NR1I3: variants seen among roughly 807,000 people sequenced by gnomAD.
NR1I3 encodes nuclear receptor subfamily 1 group I member 3, also known as constitutive activator of retinoid response.
A neutral mutation model predicts 38.4 loss-of-function variants in NR1I3; 30 were observed. The observed-to-expected ratio is 0.78, with a 90% CI of 0.58 to 1.06. The LOEUF is 1.06. Ranked by LOEUF, NR1I3 falls within the 50% of genes least tolerant of loss-of-function variation. NR1I3 has a pLI of 0.00. For synonymous variants in NR1I3, 143 were observed against 165.1 expected, an observed-to-expected ratio of 0.87 and a Z score of 1.03; for missense variants, 388 against 435.7, an observed-to-expected ratio of 0.89 and a Z score of 0.97.
chr1:161,237,126 A>G (rs543300752), intron 1 of NR1I3, among the ~76,000 whole-genome samples: 21 of 151,778 alleles, frequency 1.4e-4, no homozygotes, highest in Middle Eastern at 3.4e-3. Context: ...AGCTGGAACT[A>G]TAGGTACACA....
At chr1:161,233,473 T>G (rs1225522610) in intron 3 of NR1I3, 135 bp from the exon 4 acceptor site, 1 of 938,180 alleles carries the variant, frequency 1.1e-6, no homozygotes, top group East Asian at 2.6e-5. Context: ...CCTGAGACTT[T>G]CTTGGGCTTG....
In NR1I3 at chr1:161,232,715, G is replaced by T. The variant is rs1035174014; in HGVS notation, c.548+92C>A. 6 of 1,254,426 alleles carry T rather than the reference G, an allele frequency of 4.8e-6. No homozygotes were observed. In the South Asian group the frequency reaches 5.0e-5, roughly 10 times the overall value. 77.7% of individuals were successfully genotyped at this position (1,254,426 alleles called of 1,614,324 possible). ...AGACCTAATGCTTGGAAAGGCTGAC[G>T]CATGTGATAATTTGTAGTCAGTGAC... On this transcript the variant is annotated intron_variant, in intron 5 of 8. Coordinates refer to ENST00000367983, the MANE Select transcript of NR1I3 (RefSeq NM_005122.5).
intron 7 of NR1I3, 55 bp from the exon 8 acceptor site, chr1:161,230,973 G>T (rs770640989): frequency 2.5e-6 from 4 of 1,612,936 alleles, no homozygotes; most frequent in Non-Finnish European, 3.4e-6. Flanking sequence ...GGGCCTGCGT[G>T]GTGCCCCGGG....
chr1:161,230,181 G>GCT, intron 8 of NR1I3: 1 of 480,002 alleles, frequency 2.1e-6, no homozygotes, highest in African/African-American at 2.0e-5. Flanking sequence ...TGTGAAGAAA[G>GCT]CTCCAGACTT....
intron 5 of NR1I3, among the ~76,000 whole-genome samples, 182 bp from the exon 6 acceptor site, chr1:161,231,656 A>G (rs1667314211): frequency 6.6e-6 from 1 of 151,832 alleles, no homozygotes; most frequent in Non-Finnish European, 1.5e-5. Context: ...GTGTGCCACC[A>G]TGCCTGGCTG....
chr1:161,230,229 C>G (rs183109360), intron 8 of NR1I3: 2 of 401,312 alleles, frequency 5.0e-6, no homozygotes, highest in Non-Finnish European at 9.1e-6. Context: ...GAGGGCCTGG[C>G]CTTCTAGAGC....
chr1:161,230,707 A>T, intron 8 of NR1I3, 106 bp downstream of exon 8: 1 of 1,495,092 alleles, frequency 6.7e-7, no homozygotes. Flanking sequence ...CGATACCTGA[A>T]TTCCCTAAGG....
intron 1 of NR1I3, 86 bp downstream of exon 1, chr1:161,237,955 A>G: frequency 7.4e-7 from 1 of 1,355,422 alleles, no homozygotes; most frequent in Non-Finnish European, 1.1e-6. Flanking sequence ...AAGTGCTGGA[A>G]TGACACACGT....
At chr1:161,233,810 G>A (rs1046466325) in intron 3 of NR1I3, among the ~76,000 whole-genome samples, 5 of 149,608 alleles carry the variant, frequency 3.3e-5, no homozygotes, top group African/African-American at 1.2e-4. Context: ...CCCCAGGATA[G>A]GCAGGGCTGG....
intron 8 of NR1I3, 177 bp downstream of exon 8, chr1:161,230,636 A>G (rs1012976515): frequency 2.5e-6 from 2 of 785,464 alleles, no homozygotes; most frequent in African/African-American, 1.7e-5. Context: ...ATCCAAATAC[A>G]GCAATTTGGA....
chr1:161,230,273 A>C, intron 8 of NR1I3: 1 of 313,990 alleles, frequency 3.2e-6, no homozygotes, highest in Non-Finnish European at 5.9e-6. Context: ...CTATGGTATA[A>C]AGCATCCCCT....
chr1:161,234,781 T>C (rs1333216779), intron 3 of NR1I3, among the ~76,000 whole-genome samples: 2 of 152,198 alleles, frequency 1.3e-5, no homozygotes, highest in East Asian at 1.9e-4. Context: ...TTTGGGAGCA[T>C]AGCACAGTTA....
At chr1:161,236,289 T>A in intron 2 of NR1I3, 170 bp downstream of exon 2, 1 of 774,952 alleles carries the variant, frequency 1.3e-6, no homozygotes. Context: ...TGCCACCAGT[T>A]TATACAGTGA....
In NR1I3 at chr1:161,235,944, G is replaced by A; in HGVS notation, c.141C>T (p.Cys47=). Reference sequence around the variant, plus strand: ...TGACTTCACAGCTTCCAGCAAAGGGGCAGGTGGGACCAATGCTTTTGCTGA... The same window carrying A: ...TGACTTCACAGCTTCCAGCAAAGGGACAGGTGGGACCAATGCTTTTGCTGA... ...RTVSKSIGPT[C]PFAGSCEVSK... Residue 47 remains cysteine (C), a synonymous_variant, in exon 3 of 9, where the codon TGC becomes TGT. Transcript: ENST00000367983. 1.2e-6 allele frequency: 2 copies of A among 1,610,468 alleles called. No individual in the cohort carries two copies. Among genetic ancestry groups the A allele is most frequent in the Middle Eastern group, 1.7e-4 (1 of 6,040 alleles).
At chr1:161,234,031 G>A (rs569534097) in intron 3 of NR1I3, among the ~76,000 whole-genome samples, 27 of 151,470 alleles carry the variant, frequency 1.8e-4, no homozygotes, top group African/African-American at 5.3e-4. Context: ...TCACTCTGTC[G>A]CCCAGGCTGG....
At chr1:161,230,739 C>A (rs928604153) in intron 8 of NR1I3, 74 bp downstream of exon 8, 22 of 1,597,926 alleles carry the variant, frequency 1.4e-5, no homozygotes, top group Non-Finnish European at 1.9e-5. Context: ...AAAAAACATT[C>A]CTCCCAAGCT....
At position 161,233,037 on chromosome 1, in the gene NR1I3, G is replaced by A. The variant is rs570295998; in HGVS notation, c.409-91C>T. The A allele has an allele frequency of 8.8e-6, 14 of 1,587,188 alleles. No homozygotes were observed. The South Asian group carries it at 1.0e-4, about 12-fold the overall frequency. On this transcript the variant is annotated intron_variant, in intron 4 of 8. Coordinates refer to ENST00000367983, the MANE Select transcript of NR1I3 (RefSeq NM_005122.5). ...TTATCTTGGAAGAGTTCCTTGCTGA[G>A]AAGCCTGCTCAGGCTGGGGTTCTGG...
chr1:161,230,971 G>T (rs748943900), intron 7 of NR1I3, 53 bp from the exon 8 acceptor site: 1 of 1,613,014 alleles, frequency 6.2e-7, no homozygotes, highest in Admixed American at 1.7e-5. Flanking sequence ...GTGGGCCTGC[G>T]TGGTGCCCCG....
intron 3 of NR1I3, 65 bp from the exon 4 acceptor site, chr1:161,233,403 C>A: frequency 6.4e-7 from 1 of 1,560,302 alleles, no homozygotes; most frequent in South Asian, 1.1e-5. Flanking sequence ...TCTGCTGGTC[C>A]CTGATCTGGG....
Sources: gnomAD v4.1 joint callset for allele counts (sites outside exome capture counted in the v4.1 genomes callset) on GRCh38, gnomAD v4.1.1 for gene constraint, MANE v1.5 for transcripts, NCBI Gene and HGNC (gene_info 2026-07-23, HGNC 2026-07-21) for gene names.